TNN: variants seen among roughly 807,000 people sequenced by gnomAD.
TNN encodes tenascin N.
TNN carries 122 observed loss-of-function variants against 134.4 expected under a neutral mutation model. That is an observed-to-expected ratio of 0.91 (90% CI 0.78 to 1.06). The LOEUF (loss-of-function observed/expected upper bound fraction) is 1.06. Among genes scored for constraint, TNN ranks in the 50% least tolerant of loss-of-function variants. TNN has a pLI of 0.00. For missense variants in TNN, 1,739 were observed against 1,699.4 expected (o/e 1.02, Z -0.41); for synonymous variants, 710 against 670.3 (o/e 1.06, Z -0.91).
At chr1:175,115,855 G>A (rs1438673768) in intron 9 of TNN, among the ~76,000 whole-genome samples, 1 of 152,148 alleles carries the variant, frequency 6.6e-6, no homozygotes, top group African/African-American at 2.4e-5. Flanking sequence ...GCTGATAGGG[G>A]CTACTGGGAT....
chr1:175,097,314 A>G, intron 7 of TNN, 103 bp from the exon 8 acceptor site: 1 of 1,426,190 alleles, frequency 7.0e-7, no homozygotes, highest in Non-Finnish European at 9.6e-7. Context: ...CATATTAGAG[A>G]CTCTGACATT....
chr1:175,133,802 T>C (rs1157814067), intron 15 of TNN, among the ~76,000 whole-genome samples: 1 of 152,158 alleles, frequency 6.6e-6, no homozygotes, highest in African/African-American at 2.4e-5. Flanking sequence ...TTTTCTTATA[T>C]GTGCAATGTG....
chr1:175,112,361 A>G (rs1675049687), intron 9 of TNN, among the ~76,000 whole-genome samples: 2 of 151,690 alleles, frequency 1.3e-5, no homozygotes, highest in South Asian at 4.2e-4. Flanking sequence ...TGCTGAATTG[A>G]TCTCTTTTTC....
At chr1:175,085,925 T>G in intron 6 of TNN, among the ~76,000 whole-genome samples, 1 of 146,858 alleles carries the variant, frequency 6.8e-6, no homozygotes, top group Admixed American at 6.8e-5. Flanking sequence ...GTAGAGAGAG[T>G]CTATCCCTTT....
At chr1:175,137,134 C>T (rs1675832858) in intron 17 of TNN, 146 bp downstream of exon 17, 1 of 857,050 alleles carries the variant, frequency 1.2e-6, no homozygotes, top group Non-Finnish European at 1.8e-6. Context: ...CTACTCTCTG[C>T]AGGGGGTCAG....
intron 3 of TNN, 27 bp downstream of exon 3, chr1:175,079,734 C>T (rs1216191763): frequency 2.6e-6 from 4 of 1,545,662 alleles, no homozygotes; most frequent in East Asian, 2.3e-5. Flanking sequence ...GCCCTCGGGC[C>T]GCCGGACTCT....
intron 9 of TNN, among the ~76,000 whole-genome samples, chr1:175,108,783 G>C (rs1031560563): frequency 6.7e-6 from 1 of 149,868 alleles, no homozygotes; most frequent in Admixed American, 6.6e-5. Flanking sequence ...TGCCCACCTA[G>C]AACTCCAGCT....
chr1:175,087,596 C>T (rs1243441932), intron 6 of TNN, among the ~76,000 whole-genome samples: 1 of 152,252 alleles, frequency 6.6e-6, no homozygotes, highest in Non-Finnish European at 1.5e-5. Context: ...TTCTCTTACA[C>T]AGTCAACACA....
At chr1:175,124,687 GCAAA>G (rs59814606) in intron 12 of TNN, among the ~76,000 whole-genome samples, 33,347 of 150,822 alleles carry the variant, frequency 0.22, 3,698 homozygotes, top group East Asian at 0.23. Flanking sequence ...CATCTCAAAA[GCAAA>G]CAAACAAACA....
chr1:175,128,055 C>T lies in TNN; in HGVS notation c.3069C>T (p.Asp1023=). ...AGGAGATGCAGCTGGGACGGGAAGACCAGAGGTTTGCGTTGCAAGGCCTTG... is the reference window on the plus strand; with the variant it reads ...AGGAGATGCAGCTGGGACGGGAAGATCAGAGGTTTGCGTTGCAAGGCCTTG... ...TVKEMQLGRE[D]QRFALQGLEQ... Residue 1023 remains aspartate (D), a synonymous_variant, in exon 14 of 19, where the codon GAC becomes GAT. Coordinates refer to ENST00000239462, the MANE Select transcript of TNN (RefSeq NM_022093.2). 1 of 1,614,168 alleles carries T rather than the reference C, an allele frequency of 6.2e-7. No individual in the cohort carries two copies. Among genetic ancestry groups the T allele is most frequent in the South Asian group, 1.1e-5 (1 of 91,082 alleles).
At chr1:175,111,364 G>A (rs536177680) in intron 9 of TNN, among the ~76,000 whole-genome samples, 3 of 152,022 alleles carry the variant, frequency 2.0e-5, no homozygotes, top group South Asian at 4.2e-4. Flanking sequence ...GTGCACGCCT[G>A]TAATCCCAGC....
Position 175,094,193 on chromosome 1 carries a change from T to C in TNN, c.1528T>C (p.Tyr510His), listed in dbSNP as rs146906905. 2.5e-6 allele frequency: 4 copies of C among 1,613,808 alleles called. No homozygotes were observed. The African/African-American group carries it at 5.3e-5, about 22-fold the overall frequency. Residue 510 changes from tyrosine (Y) to histidine (H), a missense_variant, in exon 7 of 19, where the codon TAC becomes CAC. Coordinates refer to ENST00000239462, the MANE Select transcript of TNN (RefSeq NM_022093.2). ...GAAGCCAGGAGAGGCATACAAGGTC[T>C]ACGTGTGGGCTGAAAGGGGCAACCA... ...GLKPGEAYKV[Y>H]VWAERGNQGS...
intron 6 of TNN, among the ~76,000 whole-genome samples, chr1:175,091,180 C>T (rs979275315): frequency 6.6e-6 from 1 of 152,240 alleles, no homozygotes; most frequent in Non-Finnish European, 1.5e-5. Flanking sequence ...AGCACCTGAT[C>T]CCCATCGGGG....
intron 3 of TNN, 127 bp downstream of exon 3, chr1:175,079,834 C>T (rs1674157581): frequency 1.5e-6 from 2 of 1,304,526 alleles, no homozygotes; most frequent in Admixed American, 2.9e-5. Flanking sequence ...TGAGTCCCAA[C>T]CCCAGAGTTT....
Position 175,081,046 on chromosome 1 carries a change from C to G in TNN, c.1048+620C>G, listed in dbSNP as rs77100149. ...TGGTAGAGGGATGCAGGCAGTCCAC[C>G]GTGTCTCCAAAGAATTCTGTCTCCT... On this transcript the variant is annotated intron_variant, in intron 4 of 18. Coordinates refer to ENST00000239462, the MANE Select transcript of TNN (RefSeq NM_022093.2). Among the ~76,000 whole-genome samples, 393 of 152,284 alleles carry G rather than the reference C, an allele frequency of 2.6e-3. 3 individuals are homozygous for G. Among genetic ancestry groups the G allele is most frequent in the African/African-American group, 9.1e-3 (379 of 41,538 alleles).
intron 7 of TNN, among the ~76,000 whole-genome samples, chr1:175,095,628 C>T (rs1014110914): frequency 2.0e-5 from 3 of 152,190 alleles, no homozygotes; most frequent in Non-Finnish European, 4.4e-5. Context: ...GGCTGGAGTG[C>T]AATGGCGCAA....
intron 12 of TNN, 36 bp downstream of exon 12, chr1:175,123,699 AC>A: frequency 2.5e-6 from 4 of 1,611,262 alleles, no homozygotes; most frequent in Non-Finnish European, 3.4e-6. Flanking sequence ...AACACCTCAC[AC>A]TTATCAGGAG....
At chr1:175,101,421 C>T (rs930667660) in intron 9 of TNN, among the ~76,000 whole-genome samples, 4 of 151,194 alleles carry the variant, frequency 2.6e-5, no homozygotes, top group African/African-American at 9.7e-5. Context: ...AAAGAGTGAG[C>T]AGTAGCAAGA....
chr1:175,070,681 T>A (rs1026488754), intron 1 of TNN, among the ~76,000 whole-genome samples: 1 of 152,254 alleles, frequency 6.6e-6, no homozygotes, highest in Non-Finnish European at 1.5e-5. Context: ...AATGTTTGTA[T>A]GTACTTGCTT....
Sources: allele counts gnomAD v4.1 joint callset (sites outside exome capture counted in the v4.1 genomes callset), GRCh38; gene constraint gnomAD v4.1.1; transcripts MANE v1.5; gene names NCBI Gene and HGNC (gene_info 2026-07-23, HGNC 2026-07-21).